Variants in PIWIL4 observed in about 807,000 individuals in gnomAD.
PIWIL4 encodes piwi like RNA-mediated gene silencing 4.
PIWIL4 carries 50 observed loss-of-function variants against 100.9 expected under a neutral mutation model. The ratio of observed to expected loss-of-function variants is 0.50; its 90% CI spans 0.39 to 0.63. The LOEUF is 0.63. Ranked by LOEUF, PIWIL4 falls within the 20% of genes least tolerant of loss-of-function variation. The pLI is 0.00. For missense variants in PIWIL4, 887 were observed against 1,043.3 expected, an observed-to-expected ratio of 0.85 and a Z score of 2.06; for synonymous variants, 342 against 367.5, an observed-to-expected ratio of 0.93 and a Z score of 0.79.
At chr11:94,590,956 G>C (rs1486663096) in intron 8 of PIWIL4, among the ~76,000 whole-genome samples, 2 of 152,164 alleles carry the variant, frequency 1.3e-5, no homozygotes, top group African/African-American at 4.8e-5. Context: ...GGCTCCAGCT[G>C]TGTAACCCTG....
At chr11:94,607,382 CA>C (rs1030222197) in intron 13 of PIWIL4, 56 bp from the exon 14 acceptor site, 7 of 1,472,724 alleles carry the variant, frequency 4.8e-6, no homozygotes, top group African/African-American at 1.4e-5. Flanking sequence ...CTTTAAAAAG[CA>C]ACTTCTTAGC....
At chr11:94,582,225 T>C (rs1435961059) in intron 4 of PIWIL4, among the ~76,000 whole-genome samples, 1 of 152,048 alleles carries the variant, frequency 6.6e-6, no homozygotes, top group Non-Finnish European at 1.5e-5. Context: ...GATTAAGACA[T>C]CCTTTGTTGT....
At chr11:94,585,347 C>T in intron 5 of PIWIL4, 98 bp from the exon 6 acceptor site, 1 of 785,684 alleles carries the variant, frequency 1.3e-6, no homozygotes, top group Non-Finnish European at 2.0e-6. Flanking sequence ...TCTGTATTTC[C>T]TATATATTTT....
intron 13 of PIWIL4, 109 bp from the exon 14 acceptor site, chr11:94,607,330 T>G: frequency 1.0e-6 from 1 of 1,002,648 alleles, no homozygotes; most frequent in South Asian, 1.6e-5. Flanking sequence ...CTTGGGAACT[T>G]AAGGGTAAAA....
chr11:94,619,893 C>A lies in PIWIL4; in HGVS notation c.2294+8C>A. 6 of 1,614,180 alleles carry A rather than the reference C, an allele frequency of 3.7e-6. No individual in the cohort carries two copies. The highest frequency in any genetic ancestry group is 5.1e-6 in the Non-Finnish European group (6 of 1,180,024). On this transcript the variant is annotated splice_region_variant and intron_variant, in intron 18 of 19. Coordinates refer to ENST00000299001, the MANE Select transcript of PIWIL4 (RefSeq NM_152431.3). ...AGCAACACGTAACGAATGGCAAGTG[C>A]CGCTGGAAAATCAATTTTTAACAAA...
At chr11:94,567,658 A>G in intron 1 of PIWIL4, 53 bp downstream of exon 1, 1 of 1,495,042 alleles carries the variant, frequency 6.7e-7, no homozygotes, top group Non-Finnish European at 9.0e-7. Flanking sequence ...CTCTGTCTCT[A>G]GCCTGAACAA....
chr11:94,571,727 A>T (rs888998887), intron 2 of PIWIL4, among the ~76,000 whole-genome samples: 3 of 152,206 alleles, frequency 2.0e-5, no homozygotes, highest in African/African-American at 7.2e-5. Flanking sequence ...GCTATTGTGA[A>T]TAGTGCCACA....
chr11:94,568,974 C>T (rs927882379), intron 2 of PIWIL4, among the ~76,000 whole-genome samples, 166 bp downstream of exon 2: 1 of 152,276 alleles, frequency 6.6e-6, no homozygotes, highest in Middle Eastern at 3.4e-3. Flanking sequence ...CATAGAAGCA[C>T]GTGCTGAATT....
At position 94,619,882 on chromosome 11, in the gene PIWIL4, A is replaced by C; in HGVS notation, c.2291A>C (p.Glu764Ala). 1.2e-6 allele frequency: 2 copies of C among 1,614,206 alleles called. No homozygotes were observed. Among genetic ancestry groups the C allele is most frequent in the Non-Finnish European group, 1.7e-6 (2 of 1,180,030 alleles). Reference protein sequence around the residue: ...TVVDSEATRNEWYDFYLISQV... With the variant: ...TVVDSEATRNAWYDFYLISQV... ...GTGGATTCAGAAGCAACACGTAACG[A>C]ATGGCAAGTGCCGCTGGAAAATCAA... is the stretch of plus-strand genomic sequence containing the variant. The change falls in exon 18 of 20, where the codon GAA becomes GCA. Residue 764 changes from glutamate to alanine, a missense_variant. By Grantham distance (107) the Glu-to-Ala change is moderately radical. Transcript: ENST00000299001.
At chr11:94,591,263 C>G (rs898987910) in intron 8 of PIWIL4, among the ~76,000 whole-genome samples, 1 of 152,336 alleles carries the variant, frequency 6.6e-6, no homozygotes, top group Admixed American at 6.5e-5. Flanking sequence ...CTTCCTCAGC[C>G]TTTGTGTGTG....
At chr11:94,601,650 T>C in intron 11 of PIWIL4, 145 bp from the exon 12 acceptor site, 2 of 762,224 alleles carry the variant, frequency 2.6e-6, no homozygotes, top group South Asian at 3.2e-5. Context: ...TGTTCGGATG[T>C]GCAGTGCCTG....
rs557030925 is a variant in PIWIL4, at chr11:94,568,482, C to T, written c.88-248C>T. The stretch of plus-strand genomic sequence containing the variant: ...CAAGGATCTCATCTCTGCTTCTTTA[C>T]ACCTCCAGCTATATCTGGCGACAGT... On this transcript the variant is annotated intron_variant, in intron 1 of 19. Coordinates refer to ENST00000299001, the MANE Select transcript of PIWIL4 (RefSeq NM_152431.3). Among the ~76,000 whole-genome samples, 12 of 152,288 alleles carry T rather than the reference C, an allele frequency of 7.9e-5. 2 individuals carry two copies. The South Asian group carries it at 2.5e-3, about 32-fold the overall frequency.
chr11:94,607,579 C>T lies in PIWIL4; in HGVS notation c.1779C>T (p.Thr593=). 6.2e-7 allele frequency: 1 copy of T among 1,614,064 alleles called. No individual in the cohort carries two copies. Among genetic ancestry groups the T allele is most frequent in the Non-Finnish European group, 8.5e-7 (1 of 1,180,020 alleles). Residue 593 remains threonine (T), a synonymous_variant, in exon 14 of 20, where the codon ACC becomes ACT. Transcript: ENST00000299001. ...NKQGMMMSIA[T]KIAMQMTCKL... is the part of the protein sequence containing the mutation. ...AGGGCATGATGATGAGTATCGCCAC[C>T]AAGATCGCTATGCAGATGACTTGCA... is the stretch of plus-strand genomic sequence containing the variant.
At chr11:94,617,704 G>C (rs1948861234) in intron 16 of PIWIL4, 1 of 423,172 alleles carries the variant, frequency 2.4e-6, no homozygotes, top group Admixed American at 4.2e-5. Flanking sequence ...TTTATTTAAA[G>C]AGATAGGCCA....
chr11:94,594,052 A>G (rs1357582706), intron 9 of PIWIL4, among the ~76,000 whole-genome samples: 1 of 152,212 alleles, frequency 6.6e-6, no homozygotes, highest in Non-Finnish European at 1.5e-5. Context: ...TGCCTCGAGT[A>G]CTTTTAACAA....
At chr11:94,583,044 A>G (rs7112440) in intron 4 of PIWIL4, among the ~76,000 whole-genome samples, 36,746 of 133,678 alleles carry the variant, frequency 0.27, 6,829 homozygotes, top group African/African-American at 0.54. Flanking sequence ...ATATATATAT[A>G]TGTGTGTGTG....
At chr11:94,595,195 G>A (rs1172644536) in intron 9 of PIWIL4, 114 bp from the exon 10 acceptor site, 1 of 732,566 alleles carries the variant, frequency 1.4e-6, no homozygotes, top group Non-Finnish European at 2.2e-6. Flanking sequence ...CATTTCTATT[G>A]GATGTGCTAT....
At chr11:94,572,201 T>C (rs1166663775) in intron 2 of PIWIL4, among the ~76,000 whole-genome samples, 4 of 152,234 alleles carry the variant, frequency 2.6e-5, no homozygotes, top group Admixed American at 6.5e-5. Context: ...CTTTGTCAGA[T>C]GGGTAGATTG....
intron 16 of PIWIL4, among the ~76,000 whole-genome samples, chr11:94,617,206 A>ATG (rs1039607219): frequency 1.8e-4 from 27 of 152,262 alleles, no homozygotes; most frequent in African/African-American, 6.0e-4. Context: ...TAATGGACTT[A>ATG]TATATATGAT....
Sources: allele counts gnomAD v4.1 joint callset (sites outside exome capture counted in the v4.1 genomes callset), GRCh38; gene constraint gnomAD v4.1.1; transcripts MANE v1.5; gene names NCBI Gene and HGNC (gene_info 2026-07-23, HGNC 2026-07-21).